PDE8B: variants seen among roughly 807,000 people sequenced by gnomAD.
PDE8B encodes the protein high affinity cAMP-specific and IBMX-insensitive 3',5'-cyclic phosphodiesterase 8B.
PDE8B carries 26 observed loss-of-function variants against 101.3 expected under a neutral mutation model. The observed-to-expected ratio is 0.26, with a 90% CI of 0.19 to 0.36. The LOEUF (loss-of-function observed/expected upper bound fraction) is 0.36, where lower values mean the gene tolerates loss of function less well. Among genes scored for constraint, PDE8B ranks in the 10% least tolerant of loss-of-function variants. The probability of loss-of-function intolerance (pLI) is 1.00; values close to 1 mark genes in which losing one functional copy is unlikely to be tolerated. For missense variants in PDE8B, 810 were observed against 1,163.1 expected, an observed-to-expected ratio of 0.70 and a Z score of 4.42; for synonymous variants, 424 against 429.3, an observed-to-expected ratio of 0.99 and a Z score of 0.15.
intron 1 of PDE8B, among the ~76,000 whole-genome samples, chr5:77,252,212 C>A (rs1177669097): frequency 6.6e-6 from 1 of 152,242 alleles, no homozygotes; most frequent in Non-Finnish European, 1.5e-5. Flanking sequence ...TCACCCTTTC[C>A]CAGAGTTGTA....
At chr5:77,385,795 GTT>G (rs35717428) in intron 10 of PDE8B, among the ~76,000 whole-genome samples, 4 of 107,990 alleles carry the variant, frequency 3.7e-5, no homozygotes, top group African/African-American at 1.1e-4. Context: ...AGTGAGTGAG[GTT>G]TTTTTTTTTT....
intron 1 of PDE8B, among the ~76,000 whole-genome samples, chr5:77,293,439 AT>A (rs906725073): frequency 6.6e-6 from 1 of 152,162 alleles, no homozygotes; most frequent in Non-Finnish European, 1.5e-5. Context: ...GAGACTTAGC[AT>A]TTTTTTAGTA....
At chr5:77,171,068 C>A in the PDE8B span, among the ~76,000 whole-genome samples, 1 of 152,158 alleles carries the variant, frequency 6.6e-6, no homozygotes, top group South Asian at 2.1e-4. Context: ...AAAGAAAATG[C>A]TCCAAGTATC....
chr5:77,418,770 C>T (rs1255562019), intron 18 of PDE8B, among the ~76,000 whole-genome samples: 2 of 152,206 alleles, frequency 1.3e-5, no homozygotes, highest in Middle Eastern at 6.8e-3. Flanking sequence ...GAAAATGTAT[C>T]CACCCCCATT....
At chr5:77,227,383 G>T (rs1345784516) in intron 1 of PDE8B, among the ~76,000 whole-genome samples, 2 of 152,024 alleles carry the variant, frequency 1.3e-5, no homozygotes, top group East Asian at 3.9e-4. Flanking sequence ...TACATGAATG[G>T]GTGAGATCAT....
chr5:77,292,767 G>C (rs375786972), intron 1 of PDE8B, among the ~76,000 whole-genome samples: 1 of 152,118 alleles, frequency 6.6e-6, no homozygotes, highest in Non-Finnish European at 1.5e-5. Context: ...TAATAAGGAT[G>C]CCAATCCCTT....
chr5:77,142,671 GA>G, the PDE8B span, among the ~76,000 whole-genome samples: 1 of 152,108 alleles, frequency 6.6e-6, no homozygotes, highest in Non-Finnish European at 1.5e-5. Context: ...GGAATCTGTG[GA>G]AAGCAGGTAC....
the PDE8B span, among the ~76,000 whole-genome samples, chr5:77,202,311 G>C: frequency 6.6e-6 from 1 of 152,160 alleles, no homozygotes; most frequent in Non-Finnish European, 1.5e-5. Context: ...AACACCATGA[G>C]TTTGAACTGT....
the PDE8B span, among the ~76,000 whole-genome samples, chr5:77,168,803 C>T: frequency 5.3e-5 from 8 of 152,202 alleles, no homozygotes; most frequent in African/African-American, 1.7e-4. Context: ...TCCCTCCTCC[C>T]ACTCTGAAAT....
At chr5:77,275,281 C>G (rs1431771264) in intron 1 of PDE8B, among the ~76,000 whole-genome samples, 1 of 152,192 alleles carries the variant, frequency 6.6e-6, no homozygotes, top group Non-Finnish European at 1.5e-5. Flanking sequence ...GAGGTAACCA[C>G]TGTTAACAAT....
chr5:77,333,732 G>A (rs1777581653), intron 5 of PDE8B, among the ~76,000 whole-genome samples: 1 of 152,232 alleles, frequency 6.6e-6, no homozygotes, highest in South Asian at 2.1e-4. Context: ...CTCTTTGGGT[G>A]CAAATGCTAT....
At chr5:77,346,344 G>A (rs189830573) in intron 7 of PDE8B, among the ~76,000 whole-genome samples, 99 of 152,204 alleles carry the variant, frequency 6.5e-4, no homozygotes, top group African/African-American at 2.2e-3. Flanking sequence ...CTTATACCCC[G>A]ACTTGGACAA....
the PDE8B span, among the ~76,000 whole-genome samples, chr5:77,096,727 C>G: frequency 4.0e-4 from 61 of 152,190 alleles, no homozygotes; most frequent in African/African-American, 1.5e-3. Flanking sequence ...TCGTGTTCCT[C>G]GGTTTGCAGT....
intron 1 of PDE8B, among the ~76,000 whole-genome samples, chr5:77,283,144 T>C (rs1265224835): frequency 1.3e-5 from 2 of 152,196 alleles, no homozygotes; most frequent in African/African-American, 4.8e-5. Flanking sequence ...AAGTTATTTC[T>C]TTTTTAAAAA....
the PDE8B span, chr5:77,104,453 AT>A: frequency 2.0e-5 from 3 of 152,102 alleles, no homozygotes; most frequent in Non-Finnish European, 4.4e-5. Context: ...CGTGAATGGG[AT>A]TAAGGCCTTT....
At chr5:77,320,211 A>G (rs891988979) in intron 2 of PDE8B, among the ~76,000 whole-genome samples, 3 of 152,202 alleles carry the variant, frequency 2.0e-5, no homozygotes, top group African/African-American at 7.2e-5. Flanking sequence ...CTTTCAGTGT[A>G]CCCATCACCC....
At chr5:77,390,638 A>C (rs1789717272) in intron 10 of PDE8B, among the ~76,000 whole-genome samples, 1 of 152,174 alleles carries the variant, frequency 6.6e-6, no homozygotes, top group Non-Finnish European at 1.5e-5. Context: ...CACATGACAA[A>C]ACCTTTTGAT....
Position 77,351,085 on chromosome 5 carries a change from T to C in PDE8B, c.1038T>C (p.Tyr346=). Residue 346 remains tyrosine, a synonymous_variant, in exon 9 of 22, where the codon TAT becomes TAC. Coordinates refer to ENST00000264917, the MANE Select transcript of PDE8B (RefSeq NM_003719.5). ...TGTAGGAGTGGCAGGGGGTTTACTA[T>C]GCCAGACGGAAATCCGGGGACAGCA... The part of the protein sequence containing the change: ...KKGKEWQGVY[Y]ARRKSGDSIQ... The C allele has an allele frequency of 6.2e-7, 1 of 1,614,064 alleles. No individual in the cohort carries two copies. The highest frequency in any genetic ancestry group is 8.5e-7 in the Non-Finnish European group (1 of 1,179,912).
intron 1 of PDE8B, among the ~76,000 whole-genome samples, chr5:77,259,225 C>T (rs967583796): frequency 6.6e-6 from 1 of 152,054 alleles, no homozygotes; most frequent in African/African-American, 2.4e-5. Context: ...ACTCCGGTGG[C>T]AGTCAGCCCT....
Sources: allele counts gnomAD v4.1 joint callset (sites outside exome capture counted in the v4.1 genomes callset), GRCh38; gene constraint gnomAD v4.1.1; transcripts MANE v1.5; gene names NCBI Gene and HGNC (gene_info 2026-07-23, HGNC 2026-07-21).